SEC63: variants seen among roughly 807,000 people sequenced by gnomAD.
SEC63 encodes the protein SEC63 protein translocation regulator, also known as translocation protein SEC63 homolog.
In SEC63, 56 loss-of-function variants were observed where a neutral mutation model predicts 116.2. The observed-to-expected ratio is 0.48, with a 90% CI of 0.39 to 0.60. The LOEUF (loss-of-function observed/expected upper bound fraction) is 0.60. SEC63 is among the 20% of genes least tolerant of loss of function. The pLI, the probability that SEC63 is intolerant of heterozygous loss-of-function variation, is 0.00. For missense variants in SEC63, 668 were observed against 900.0 expected, an observed-to-expected ratio of 0.74 and a Z score of 3.30; for synonymous variants, 273 against 294.6, an observed-to-expected ratio of 0.93 and a Z score of 0.75.
intron 4 of SEC63, among the ~76,000 whole-genome samples, chr6:107,919,475 G>A (rs772958868): frequency 2.6e-5 from 4 of 152,074 alleles, no homozygotes; most frequent in African/African-American, 7.2e-5. Flanking sequence ...AAAATATTAC[G>A]TAAACTTAGT....
chr6:107,908,513 C>T (rs985180709), intron 8 of SEC63, among the ~76,000 whole-genome samples: 1 of 152,028 alleles, frequency 6.6e-6, no homozygotes, highest in Admixed American at 6.6e-5. Context: ...ACTGTGTATC[C>T]TTGAGAGTGT....
intron 4 of SEC63, among the ~76,000 whole-genome samples, chr6:107,920,202 T>C (rs185374588): frequency 3.9e-5 from 6 of 152,072 alleles, no homozygotes; most frequent in Non-Finnish European, 8.8e-5. Flanking sequence ...GGCGGGAGGA[T>C]CACGACGTCA....
At position 107,893,667 on chromosome 6, in the gene SEC63, A is replaced by C. The variant is rs1786744089; in HGVS notation, c.1501-12T>G. 6.2e-7 allele frequency: 1 copy of C among 1,613,714 alleles called. No homozygotes were observed. Among genetic ancestry groups the C allele is most frequent in the Non-Finnish European group, 8.5e-7 (1 of 1,179,868 alleles). Reference sequence around the variant, plus strand: ...TTAGTTTCACCCTGCTGTGAATCATAACACGTCACACTCTTAAGTTATAGC... The same window carrying C: ...TTAGTTTCACCCTGCTGTGAATCATCACACGTCACACTCTTAAGTTATAGC... On this transcript the variant is annotated splice_polypyrimidine_tract_variant and intron_variant, in intron 15 of 20. Transcript: ENST00000369002.
At chr6:107,901,718 A>C (rs548118777) in intron 12 of SEC63, among the ~76,000 whole-genome samples, 3 of 152,194 alleles carry the variant, frequency 2.0e-5, no homozygotes, top group African/African-American at 7.2e-5. Flanking sequence ...AGAATTTTTA[A>C]ATTATAAAGT....
intron 18 of SEC63, chr6:107,877,362 T>A (rs556891332): frequency 6.6e-6 from 1 of 152,320 alleles, no homozygotes; most frequent in South Asian, 2.1e-4. Context: ...AGTACTAGAC[T>A]ATTCTAAACT....
intron 1 of SEC63, among the ~76,000 whole-genome samples, chr6:107,938,347 C>T (rs1453363884): frequency 6.7e-6 from 1 of 149,984 alleles, no homozygotes; most frequent in Admixed American, 6.7e-5. Flanking sequence ...ACCTTCCAGG[C>T]TCAAGGGATC....
chr6:107,943,596 G>A (rs1770421312), intron 1 of SEC63, among the ~76,000 whole-genome samples: 1 of 152,172 alleles, frequency 6.6e-6, no homozygotes, highest in Non-Finnish European at 1.5e-5. Context: ...AATTAGTAAG[G>A]TAGGGGTAAG....
At position 107,902,843 on chromosome 6, in the gene SEC63, C is replaced by T; in HGVS notation, c.1209+1G>A. On this transcript the variant is annotated splice_donor_variant, in intron 12 of 20. Coordinates refer to ENST00000369002, the MANE Select transcript of SEC63 (RefSeq NM_007214.5). LOFTEE classifies it high-confidence loss of function. ...CTGACTTTAAAGTAGCAAAGAATTA[C>T]CTTCTTATGATTAGAAACCCGTCTA... is the stretch of plus-strand genomic sequence containing the variant. 1 of 1,613,548 alleles carries T rather than the reference C, an allele frequency of 6.2e-7. No homozygotes were observed. Among genetic ancestry groups the T allele is most frequent in the Non-Finnish European group, 8.5e-7 (1 of 1,179,612 alleles).
intron 3 of SEC63, among the ~76,000 whole-genome samples, chr6:107,922,584 T>C (rs1787582973): frequency 1.3e-5 from 2 of 152,300 alleles, no homozygotes; most frequent in South Asian, 4.1e-4. Flanking sequence ...AATCCTCAAA[T>C]CAAAGGTTAA....
chr6:107,903,392 T>C (rs1326994885), intron 11 of SEC63, among the ~76,000 whole-genome samples: 1 of 148,836 alleles, frequency 6.7e-6, no homozygotes, highest in Non-Finnish European at 1.5e-5. Context: ...TTTCCTTCCA[T>C]ACCAAAAAAA....
Position 107,924,802 on chromosome 6 carries a change from T to C in SEC63, c.339+16A>G, listed in dbSNP as rs754335287. The C allele has an allele frequency of 1.7e-6, 2 of 1,205,484 alleles. No homozygotes were observed. The highest frequency in any genetic ancestry group is 1.2e-5 in the South Asian group (1 of 82,930). The allele number at this position is 1,205,484 out of a possible 1,614,324, so 74.7% of individuals were successfully genotyped here. ...GACCATTAAACTAATATGCATTATA[T>C]AAAAATACTACTTACAGGATCCAAA... On this transcript the variant is annotated intron_variant, in intron 3 of 20. Transcript: ENST00000369002.
rs540977622 is a variant in SEC63 at position 107,934,144 on chromosome 6, C to T, written c.125-4630G>A. 2.9e-3 allele frequency among the ~76,000 whole-genome samples: 449 copies of T among 152,296 alleles called. 5 individuals carry two copies. Among genetic ancestry groups the T allele is most frequent in the African/African-American group, 0.01 (435 of 41,562 alleles). On this transcript the variant is annotated intron_variant, in intron 1 of 20. Transcript: ENST00000369002. ...TTGCAGCCTCTGCCCCGCCGCCACC[C>T]CGTCTGGGAAGTGAGGAGCGTCTCT...
intron 1 of SEC63, among the ~76,000 whole-genome samples, chr6:107,937,946 A>C (rs969827130): frequency 1.3e-5 from 2 of 152,194 alleles, no homozygotes; most frequent in African/African-American, 4.8e-5. Flanking sequence ...TGTTGGATGC[A>C]TAATTTGTAA....
Position 107,924,933 on chromosome 6 carries a change from CTGTT to C in SEC63, c.225-5_225-2del. ...CCATCCTGCAAGCAGAACTATTTTC[CTGTT>C]TAGGAAAAAGGTAAGTGAATCATAA... On this transcript the variant is annotated splice_acceptor_variant and splice_polypyrimidine_tract_variant and intron_variant, in intron 2 of 20. Coordinates refer to ENST00000369002, the MANE Select transcript of SEC63 (RefSeq NM_007214.5). LOFTEE classifies it high-confidence loss of function. 2.0e-6 allele frequency: 3 copies of C among 1,537,264 alleles called. No homozygotes were observed. The highest frequency in any genetic ancestry group is 2.7e-6 in the Non-Finnish European group (3 of 1,110,604).
chr6:107,893,894 C>G lies in SEC63; in HGVS notation c.1444G>C (p.Val482Leu), dbSNP rs754389288. The G allele has an allele frequency of 2.5e-6, 4 of 1,614,054 alleles. No homozygotes were observed. The highest frequency in any genetic ancestry group is 3.4e-6 in the Non-Finnish European group (4 of 1,179,972). The change falls in exon 15 of 21, where the codon GTA becomes CTA. Residue 482 changes from valine (V) to leucine (L), a missense_variant. Transcript: ENST00000369002. ...VKLTRQTMAE[V>L]FEKEQSICAA... Reference sequence around the variant, plus strand: ...CAGATGGACTGCTCCTTTTCAAATACTTCCTGGGGGGCGGCAAGAAGAGAA... The same window carrying G: ...CAGATGGACTGCTCCTTTTCAAATAGTTCCTGGGGGGCGGCAAGAAGAGAA...
At chr6:107,905,124 AAGAG>A (rs1385268005) in intron 10 of SEC63, among the ~76,000 whole-genome samples, 2 of 152,224 alleles carry the variant, frequency 1.3e-5, no homozygotes, top group African/African-American at 4.8e-5. Flanking sequence ...AACTTACAGA[AAGAG>A]AAAGACTCTT....
intron 1 of SEC63, among the ~76,000 whole-genome samples, chr6:107,940,284 C>T (rs1042658873): frequency 1.3e-5 from 2 of 152,166 alleles, no homozygotes; most frequent in Admixed American, 6.6e-5. Flanking sequence ...CCAATACAAA[C>T]CAAGTAGTTC....
chr6:107,948,752 C>T (rs541759031), intron 1 of SEC63, among the ~76,000 whole-genome samples: 2 of 152,280 alleles, frequency 1.3e-5, no homozygotes, highest in East Asian at 3.9e-4. Flanking sequence ...TCCAGACCCA[C>T]CAAAACGAAC....
chr6:107,916,391 T>C (rs906159975), intron 4 of SEC63, among the ~76,000 whole-genome samples: 1 of 152,200 alleles, frequency 6.6e-6, no homozygotes, highest in Non-Finnish European at 1.5e-5. Flanking sequence ...TTCACATAGA[T>C]AAACAGCAAG....
Sources: allele counts gnomAD v4.1 joint callset (sites outside exome capture counted in the v4.1 genomes callset), GRCh38; gene constraint gnomAD v4.1.1; transcripts MANE v1.5; gene names NCBI Gene and HGNC (gene_info 2026-07-23, HGNC 2026-07-21).